The following DGKB variants were observed in gnomAD, a reference collection of about 807,000 sequenced individuals.
The protein encoded by DGKB is 90 kDa diacylglycerol kinase.
DGKB carries 67 observed loss-of-function variants against 114.3 expected under a neutral mutation model. That is an observed-to-expected ratio of 0.59 (90% CI 0.48 to 0.72). The LOEUF (loss-of-function observed/expected upper bound fraction) is 0.72. Ranked by LOEUF, DGKB falls within the 30% of genes least tolerant of loss-of-function variation. The pLI, the probability that DGKB is intolerant of heterozygous loss-of-function variation, is 0.00. For synonymous variants in DGKB, 398 were observed against 323.1 expected (o/e 1.23, Z -2.49); for missense variants, 907 against 975.2 (o/e 0.93, Z 0.93).
chr7:14,322,064 T>C (rs1379396647), intron 23 of DGKB, among the ~76,000 whole-genome samples: 1 of 152,190 alleles, frequency 6.6e-6, no homozygotes, highest in Non-Finnish European at 1.5e-5. Flanking sequence ...GAAACTGTAG[T>C]ACTGGCGTAA....
rs1398162458 is a variant in DGKB, at chr7:14,146,397, A to G, written c.*2734T>C. 2 of 152,298 alleles carry G rather than the reference A, an allele frequency of 1.3e-5. No individual in the cohort carries two copies. The highest frequency in any genetic ancestry group is 3.9e-4 in the East Asian group (2 of 5,174). 9.4% of individuals were successfully genotyped at this position (152,298 alleles called of 1,614,324 possible). Reference sequence around the variant, plus strand: ...TTAAGTCCAGCATTAATTTACATTTAAGAGTTTCAGCCACTTAAAACTTTA... The same window carrying G: ...TTAAGTCCAGCATTAATTTACATTTGAGAGTTTCAGCCACTTAAAACTTTA... On this transcript the variant is annotated 3_prime_UTR_variant, in exon 26 of 26. Transcript: ENST00000402815.
intron 17 of DGKB, among the ~76,000 whole-genome samples, chr7:14,604,408 G>A (rs1804099697): frequency 6.6e-6 from 1 of 152,026 alleles, no homozygotes; most frequent in East Asian, 1.9e-4. Context: ...TAAAAGAAGA[G>A]TTGTATACCA....
chr7:14,537,491 A>G (rs552455425), intron 20 of DGKB, among the ~76,000 whole-genome samples: 1 of 152,274 alleles, frequency 6.6e-6, no homozygotes, highest in Non-Finnish European at 1.5e-5. Flanking sequence ...ACAAATATAC[A>G]GTCAACTGAT....
chr7:14,670,909 A>G (rs1382946669), intron 13 of DGKB, among the ~76,000 whole-genome samples: 2 of 152,186 alleles, frequency 1.3e-5, no homozygotes, highest in Non-Finnish European at 2.9e-5. Flanking sequence ...GGCACATACT[A>G]GGCATGCAAT....
intron 21 of DGKB, among the ~76,000 whole-genome samples, chr7:14,401,326 C>T (rs1435671396): frequency 4.6e-5 from 7 of 151,846 alleles, no homozygotes; most frequent in Admixed American, 2.0e-4. Flanking sequence ...CCTTATCTAC[C>T]ATCTCATAAG....
intron 20 of DGKB, among the ~76,000 whole-genome samples, chr7:14,541,691 T>C (rs1321847956): frequency 6.6e-6 from 1 of 152,182 alleles, no homozygotes; most frequent in African/African-American, 2.4e-5. Context: ...CATTGTACCT[T>C]CTATAGGCTT....
chr7:14,415,638 T>C (rs188206857), intron 21 of DGKB, among the ~76,000 whole-genome samples: 4,278 of 152,226 alleles, frequency 0.028, 216 homozygotes, highest in African/African-American at 0.098. Context: ...CCATGGTGTA[T>C]ATGTGCCACA....
chr7:14,922,664 T>C (rs1784566954), intron 1 of DGKB, among the ~76,000 whole-genome samples: 2 of 152,240 alleles, frequency 1.3e-5, no homozygotes, highest in African/African-American at 4.8e-5. Context: ...TAGGATAGTA[T>C]TGTTACCTGA....
intron 1 of DGKB, among the ~76,000 whole-genome samples, chr7:14,921,410 G>T (rs1039923629): frequency 6.6e-6 from 1 of 152,162 alleles, no homozygotes; most frequent in Middle Eastern, 3.4e-3. Flanking sequence ...AAACTGAAAG[G>T]TATTAATTCC....
chr7:14,825,036 A>ATATATATCTATC (rs1562636929), intron 2 of DGKB, among the ~76,000 whole-genome samples: 1 of 142,554 alleles, frequency 7.0e-6, no homozygotes, highest in African/African-American at 2.5e-5. Flanking sequence ...ATATATATAT[A>ATATATATCTATC]TATATATATA....
At chr7:14,922,128 TATTGATGTAGAAAAAAA>T (rs771309190) in intron 1 of DGKB, among the ~76,000 whole-genome samples, 1 of 144,442 alleles carries the variant, frequency 6.9e-6, no homozygotes, top group Non-Finnish European at 1.6e-5. Context: ...TGTTCATAAA[TATTGATGTAGAAAAAAA>T]ATGGAAAGAA....
intron 20 of DGKB, among the ~76,000 whole-genome samples, chr7:14,551,647 G>C (rs1448853162): frequency 6.6e-6 from 1 of 152,106 alleles, no homozygotes; most frequent in Non-Finnish European, 1.5e-5. Context: ...ATTTATCTTG[G>C]TGGAAGCATT....
intron 7 of DGKB, 86 bp from the exon 8 acceptor site, chr7:14,698,255 T>C: frequency 2.4e-6 from 2 of 819,210 alleles, no homozygotes; most frequent in Non-Finnish European, 3.8e-6. Flanking sequence ...TTTTGTTCAA[T>C]GTGTAGCTAA....
At chr7:14,268,230 C>A (rs1224196689) in intron 23 of DGKB, among the ~76,000 whole-genome samples, 2 of 149,022 alleles carry the variant, frequency 1.3e-5, no homozygotes, top group South Asian at 2.1e-4. Flanking sequence ...CACACACACA[C>A]CACACACACA....
chr7:14,714,983 G>A (rs904709045), intron 6 of DGKB, among the ~76,000 whole-genome samples: 2 of 152,166 alleles, frequency 1.3e-5, no homozygotes, highest in African/African-American at 2.4e-5. Flanking sequence ...AGGAATGTAT[G>A]TGAACAAATA....
At chr7:14,181,038 TG>T (rs1782564211) in intron 23 of DGKB, among the ~76,000 whole-genome samples, 1 of 152,122 alleles carries the variant, frequency 6.6e-6, no homozygotes, top group African/African-American at 2.4e-5. Flanking sequence ...CAATTAAGAA[TG>T]GTTTTATATA....
intron 25 of DGKB, among the ~76,000 whole-genome samples, chr7:14,156,626 G>A (rs1347270968): frequency 6.6e-6 from 1 of 152,110 alleles, no homozygotes; most frequent in Non-Finnish European, 1.5e-5. Context: ...CAGCTGGTCA[G>A]ATTTGGCTCA....
intron 2 of DGKB, among the ~76,000 whole-genome samples, chr7:14,830,312 C>T (rs1270588930): frequency 6.6e-6 from 1 of 151,930 alleles, no homozygotes; most frequent in Non-Finnish European, 1.5e-5. Context: ...TACAGACTTC[C>T]TCTTTGAATT....
At chr7:14,715,699 G>T (rs1241196847) in intron 6 of DGKB, among the ~76,000 whole-genome samples, 1 of 152,146 alleles carries the variant, frequency 6.6e-6, no homozygotes, top group African/African-American at 2.4e-5. Context: ...CAATATGATT[G>T]CTAGATACTG....
Sources: gnomAD v4.1 joint callset for allele counts (sites outside exome capture counted in the v4.1 genomes callset) on GRCh38, gnomAD v4.1.1 for gene constraint, MANE v1.5 for transcripts, NCBI Gene and HGNC (gene_info 2026-07-23, HGNC 2026-07-21) for gene names.